CEP192: variants seen among roughly 807,000 people sequenced by gnomAD.
CEP192 encodes the protein centrosomal protein of 192 kDa.
A neutral mutation model predicts 271.8 loss-of-function variants in CEP192; 151 were observed. The ratio of observed to expected loss-of-function variants is 0.56; its 90% CI spans 0.49 to 0.64. The LOEUF is 0.64. Ranked by LOEUF, CEP192 falls within the 30% of genes least tolerant of loss-of-function variation. The pLI is 0.00. For missense variants in CEP192, 2,910 were observed against 3,020.5 expected, an observed-to-expected ratio of 0.96 and a Z score of 0.86; for synonymous variants, 995 against 1,076.5, an observed-to-expected ratio of 0.92 and a Z score of 1.48.
chr18:13,118,916 T>C (rs1436678093), intron 44 of CEP192, among the ~76,000 whole-genome samples: 2 of 152,214 alleles, frequency 1.3e-5, no homozygotes, highest in Non-Finnish European at 2.9e-5. Flanking sequence ...TGTGTCTTCA[T>C]TTAATCCCTA....
intron 36 of CEP192, among the ~76,000 whole-genome samples, 183 bp from the exon 37 acceptor site, chr18:13,099,293 C>T (rs1018405968): frequency 5.3e-5 from 8 of 151,892 alleles, no homozygotes; most frequent in South Asian, 2.1e-4. Context: ...CCCGTTGAGT[C>T]GGGTGGAGGC....
At chr18:13,034,131 A>C (rs944152307) in intron 11 of CEP192, among the ~76,000 whole-genome samples, 1 of 152,186 alleles carries the variant, frequency 6.6e-6, no homozygotes, top group Non-Finnish European at 1.5e-5. Flanking sequence ...TATTACTATT[A>C]AAAAATAAAA....
intron 39 of CEP192, among the ~76,000 whole-genome samples, chr18:13,104,459 CA>C (rs922186191): frequency 5.9e-5 from 9 of 151,804 alleles, no homozygotes; most frequent in African/African-American, 1.9e-4. Flanking sequence ...AAAATGTGTA[CA>C]AAAAAGAGTT....
chr18:13,114,573 G>A (rs2040349308), intron 42 of CEP192, among the ~76,000 whole-genome samples: 1 of 151,914 alleles, frequency 6.6e-6, no homozygotes, highest in African/African-American at 2.4e-5. Flanking sequence ...TGTACCTATA[G>A]TTCATTCCTT....
chr18:13,057,829 C>T, intron 20 of CEP192, 96 bp downstream of exon 20: 1 of 1,135,094 alleles, frequency 8.8e-7, no homozygotes, highest in East Asian at 2.5e-5. Flanking sequence ...CCCTTCACGC[C>T]TTTATTAATG....
At chr18:13,094,717 C>A (rs1289187747) in intron 34 of CEP192, among the ~76,000 whole-genome samples, 5 of 152,098 alleles carry the variant, frequency 3.3e-5, no homozygotes, top group Admixed American at 1.3e-4. Context: ...GTGGACAAAC[C>A]CAGGAAACGT....
chr18:13,026,036 C>T (rs1357947433), intron 9 of CEP192, among the ~76,000 whole-genome samples: 1 of 152,166 alleles, frequency 6.6e-6, no homozygotes, highest in African/African-American at 2.4e-5. Flanking sequence ...AAATTTCTTG[C>T]AAGGCAGGTC....
At chr18:12,994,927 A>G (rs757200348) in intron 1 of CEP192, among the ~76,000 whole-genome samples, 4 of 152,140 alleles carry the variant, frequency 2.6e-5, no homozygotes, top group Non-Finnish European at 5.9e-5. Flanking sequence ...TTGTGAAAGT[A>G]TGGATTATGG....
At chr18:13,028,164 G>A (rs2035410363) in intron 9 of CEP192, among the ~76,000 whole-genome samples, 1 of 152,128 alleles carries the variant, frequency 6.6e-6, no homozygotes, top group African/African-American at 2.4e-5. Flanking sequence ...CTCTCTCTGT[G>A]TGTTCACGTG....
intron 30 of CEP192, among the ~76,000 whole-genome samples, chr18:13,086,725 T>C (rs1215361382): frequency 6.6e-6 from 1 of 152,242 alleles, no homozygotes; most frequent in East Asian, 1.9e-4. Context: ...TAATCAAGCA[T>C]ATCTGTACTA....
intron 30 of CEP192, among the ~76,000 whole-genome samples, chr18:13,080,112 A>G (rs1416213215): frequency 6.6e-6 from 1 of 152,114 alleles, no homozygotes. Context: ...TTGTCTTGGC[A>G]GTGCAGTCTC....
At chr18:13,084,124 G>T (rs534976239) in intron 30 of CEP192, among the ~76,000 whole-genome samples, 1 of 152,170 alleles carries the variant, frequency 6.6e-6, no homozygotes. Context: ...GAGCTCAAAC[G>T]TCATGCTGGG....
chr18:13,006,564 C>G (rs1172977033), intron 3 of CEP192, among the ~76,000 whole-genome samples: 1 of 152,216 alleles, frequency 6.6e-6, no homozygotes, highest in East Asian at 1.9e-4. Context: ...TTTGAAAGTT[C>G]TGTAAACTGT....
At chr18:13,103,115 T>C (rs1340754046) in intron 38 of CEP192, among the ~76,000 whole-genome samples, 1 of 152,146 alleles carries the variant, frequency 6.6e-6, no homozygotes. Context: ...TTTTCTCCCC[T>C]TTGCCACTGT....
intron 13 of CEP192, 126 bp downstream of exon 13, chr18:13,038,705 G>T (rs1490254497): frequency 2.8e-6 from 2 of 724,980 alleles, no homozygotes; most frequent in Non-Finnish European, 4.6e-6. Flanking sequence ...AAAAACTTAG[G>T]TTTCATCATC....
At chr18:13,065,424 T>C (rs534521788) in intron 21 of CEP192, among the ~76,000 whole-genome samples, 2 of 152,328 alleles carry the variant, frequency 1.3e-5, no homozygotes, top group South Asian at 4.1e-4. Flanking sequence ...CATTTAAAAA[T>C]TGTTCATTTT....
intron 2 of CEP192, 34 bp downstream of exon 2, chr18:12,999,622 C>T (rs1568256877): frequency 6.8e-7 from 1 of 1,471,042 alleles, no homozygotes; most frequent in East Asian, 2.5e-5. Flanking sequence ...TTTTCCAGGT[C>T]CATAAAGCCT....
chr18:13,028,279 G>A (rs560305808), intron 9 of CEP192, among the ~76,000 whole-genome samples: 1 of 152,278 alleles, frequency 6.6e-6, no homozygotes, highest in African/African-American at 2.4e-5. Flanking sequence ...CTTATCTCAA[G>A]ATCCTTAAGT....
At chr18:13,017,682 G>T (rs916229009) in intron 7 of CEP192, among the ~76,000 whole-genome samples, 1 of 152,028 alleles carries the variant, frequency 6.6e-6, no homozygotes, top group Non-Finnish European at 1.5e-5. Context: ...CATTTCACTC[G>T]AATACTTCAG....
Sources: allele counts gnomAD v4.1 joint callset (sites outside exome capture counted in the v4.1 genomes callset), GRCh38; gene constraint gnomAD v4.1.1; transcripts MANE v1.5; gene names NCBI Gene and HGNC (gene_info 2026-07-23, HGNC 2026-07-21).